Variants in DMXL1 observed in about 807,000 individuals in gnomAD.
DMXL1 encodes the protein dmX-like protein 1.
A neutral mutation model predicts 319.2 loss-of-function variants in DMXL1; 99 were observed. The ratio of observed to expected loss-of-function variants is 0.31; its 90% CI spans 0.26 to 0.37. The LOEUF (loss-of-function observed/expected upper bound fraction) is 0.37, where lower values mean the gene tolerates loss of function less well. Ranked by LOEUF, DMXL1 falls within the 10% of genes least tolerant of loss-of-function variation. The pLI, the probability that DMXL1 is intolerant of heterozygous loss-of-function variation, is 1.00. For synonymous variants in DMXL1, 1,385 were observed against 1,235.2 expected (o/e 1.12, Z -2.54); for missense variants, 3,745 against 3,595.6 (o/e 1.04, Z -1.06).
intron 38 of DMXL1, among the ~76,000 whole-genome samples, chr5:119,227,511 A>T (rs1400503546): frequency 6.6e-6 from 1 of 151,976 alleles, no homozygotes; most frequent in Non-Finnish European, 1.5e-5. Context: ...TCCTCAGAAA[A>T]TCCTGGGGTT....
intron 9 of DMXL1, chr5:119,127,892 AATG>A (rs1763956077): frequency 2.8e-6 from 1 of 355,272 alleles, no homozygotes; most frequent in Non-Finnish European, 5.7e-6. Context: ...AATAAGTGGG[AATG>A]ATATTCACTT....
rs138481749 is a variant in DMXL1 at position 119,158,599 on chromosome 5, G to A, written c.4703-5908G>A. On this transcript the variant is annotated intron_variant, in intron 19 of 43. Transcript: ENST00000539542. ...AAAGCTTTTGAATTGTCACTGTTGG[G>A]TATGATGTTTAGCTCTGGGCTTGTC... is the stretch of plus-strand genomic sequence containing the variant. 1.4e-4 allele frequency among the ~76,000 whole-genome samples: 21 copies of A among 152,290 alleles called. 1 individual carries two copies. The East Asian group carries it at 3.7e-3, about 27-fold the overall frequency.
chr5:119,138,802 A>G (rs113124153), intron 13 of DMXL1: 1 of 152,210 alleles, frequency 6.6e-6, no homozygotes. Flanking sequence ...ACACGACTGC[A>G]CTCCAGCCTT....
rs201388608 is a variant in DMXL1 at position 119,116,938 on chromosome 5, GTT to G, written c.743+603_743+604del. 3.8e-3 allele frequency among the ~76,000 whole-genome samples: 582 copies of G among 152,106 alleles called. 5 individuals carry two copies. The highest frequency in any genetic ancestry group is 0.014 in the African/African-American group (565 of 41,508). On this transcript the variant is annotated intron_variant, in intron 7 of 43. Transcript: ENST00000539542. ...TTTTTTTTCTGTAGTTCTGGAAAGAGTTAATGTAATACTGAATTTTAGTAGGT... is the reference window on the plus strand; with the variant it reads ...TTTTTTTTCTGTAGTTCTGGAAAGAGAATGTAATACTGAATTTTAGTAGGT...
intron 5 of DMXL1, 133 bp downstream of exon 5, chr5:119,110,416 T>TAAAG (rs1561603680): frequency 1.4e-6 from 1 of 722,474 alleles, no homozygotes. Context: ...TGCTTTTTCT[T>TAAAG]ATACACAGAT....
chr5:119,223,990 C>T (rs537312280), intron 37 of DMXL1, among the ~76,000 whole-genome samples: 1 of 152,140 alleles, frequency 6.6e-6, no homozygotes, highest in East Asian at 1.9e-4. Flanking sequence ...TGACCAGCTT[C>T]TGCTATTTTG....
Position 119,188,135 on chromosome 5 carries a change from C to T in DMXL1, c.7136-1573C>T, listed in dbSNP as rs528926092. ...TTACTTTTAAAACTATTTTTATCTA[C>T]CAGTGGGTCAGTAAAAGAAAAAAAG... On this transcript the variant is annotated intron_variant, in intron 28 of 43. Coordinates refer to ENST00000539542, the MANE Select transcript of DMXL1 (RefSeq NM_001290321.3). Among the ~76,000 whole-genome samples the T allele has an allele frequency of 1.9e-3, 291 of 152,182 alleles. 1 individual carries two copies. Among genetic ancestry groups the T allele is most frequent in the African/African-American group, 6.5e-3 (270 of 41,510 alleles).
At chr5:119,174,855 A>G (rs1415198930) in intron 25 of DMXL1, among the ~76,000 whole-genome samples, 1 of 152,198 alleles carries the variant, frequency 6.6e-6, no homozygotes, top group African/African-American at 2.4e-5. Flanking sequence ...GTGGTAGCAT[A>G]TTCTTCAGTG....
chr5:119,227,445 C>A (rs2150635020), intron 38 of DMXL1, among the ~76,000 whole-genome samples: 1 of 152,202 alleles, frequency 6.6e-6, no homozygotes, highest in Non-Finnish European at 1.5e-5. Context: ...CAAGGACTTG[C>A]CATCTGATTT....
intron 41 of DMXL1, among the ~76,000 whole-genome samples, chr5:119,240,169 A>T (rs1561948269): frequency 6.6e-6 from 1 of 151,968 alleles, no homozygotes; most frequent in East Asian, 1.9e-4. Flanking sequence ...GCTACTCGGG[A>T]CATTGAGGTG....
intron 5 of DMXL1, among the ~76,000 whole-genome samples, chr5:119,110,738 A>G (rs532191440): frequency 2.0e-5 from 3 of 152,386 alleles, no homozygotes; most frequent in South Asian, 2.1e-4. Flanking sequence ...GAAAAGAAGA[A>G]TGAAGATTTG....
Position 119,087,233 on chromosome 5 carries a change from A to G in DMXL1, c.88-10746A>G, listed in dbSNP as rs141619415. ...GGGTTTGATTTGTTCTTGTTTTTCA[A>G]GTTCCTTGAGGTGCATTATTAGGTT... On this transcript the variant is annotated intron_variant, in intron 1 of 43. Transcript: ENST00000539542. Among the ~76,000 whole-genome samples, 744 of 151,166 alleles carry G rather than the reference A, an allele frequency of 4.9e-3. 9 individuals are homozygous for G. Among genetic ancestry groups the G allele is most frequent in the African/African-American group, 0.017 (705 of 41,206 alleles).
chr5:119,116,098 T>C (rs532069984), intron 6 of DMXL1, 60 bp from the exon 7 acceptor site: 391 of 1,478,902 alleles, frequency 2.6e-4, no homozygotes, highest in Non-Finnish European at 3.4e-4. Context: ...ACTTTTGCTA[T>C]TTGATTTAAT....
At chr5:119,178,663 T>C in intron 28 of DMXL1, 1 of 985,304 alleles carries the variant, frequency 1.0e-6, no homozygotes, top group Non-Finnish European at 1.2e-6. Flanking sequence ...CAGCCATCAG[T>C]TCTCATAGCC....
At chr5:119,137,968 G>T (rs1766409372) in intron 13 of DMXL1, among the ~76,000 whole-genome samples, 1 of 152,220 alleles carries the variant, frequency 6.6e-6, no homozygotes, top group Non-Finnish European at 1.5e-5. Context: ...ATAGGCCATT[G>T]TGGTAACTTC....
intron 30 of DMXL1, 119 bp downstream of exon 30, chr5:119,194,089 G>T (rs1779177652): frequency 4.6e-6 from 3 of 646,006 alleles, no homozygotes; most frequent in Non-Finnish European, 7.0e-6. Context: ...TTATAACCCA[G>T]ATTTCTTTAG....
intron 38 of DMXL1, among the ~76,000 whole-genome samples, 171 bp from the exon 39 acceptor site, chr5:119,233,169 G>A (rs1211957662): frequency 1.3e-5 from 2 of 152,086 alleles, no homozygotes; most frequent in East Asian, 3.8e-4. Flanking sequence ...AAAGTGTATT[G>A]TATAACTATT....
intron 34 of DMXL1, among the ~76,000 whole-genome samples, chr5:119,215,911 A>T (rs1397125686): frequency 6.6e-6 from 1 of 151,692 alleles, no homozygotes; most frequent in Non-Finnish European, 1.5e-5. Flanking sequence ...GCCTGGCCAA[A>T]ATGGTGAAAC....
chr5:119,240,265 T>G (rs115425620), intron 41 of DMXL1, among the ~76,000 whole-genome samples, 154 bp from the exon 42 acceptor site: 1 of 152,190 alleles, frequency 6.6e-6, no homozygotes, highest in African/African-American at 2.4e-5. Context: ...AAAATTAGTT[T>G]CATATAAATT....
Sources: gnomAD v4.1 joint callset for allele counts (sites outside exome capture counted in the v4.1 genomes callset) on GRCh38, gnomAD v4.1.1 for gene constraint, MANE v1.5 for transcripts, NCBI Gene and HGNC (gene_info 2026-07-23, HGNC 2026-07-21) for gene names.